Variants in SNX29 observed in about 807,000 individuals in gnomAD.
SNX29 encodes the protein sorting nexin-29.
In SNX29, 78 loss-of-function variants were observed where a neutral mutation model predicts 102.1. That is an observed-to-expected ratio of 0.76 (90% CI 0.64 to 0.92). The LOEUF (loss-of-function observed/expected upper bound fraction) is 0.92, where lower values mean the gene tolerates loss of function less well. Among genes scored for constraint, SNX29 ranks in the 40% least tolerant of loss-of-function variants. SNX29 has a pLI of 0.00. For missense variants in SNX29, 1,280 were observed against 1,061.7 expected (o/e 1.21, Z -2.86); for synonymous variants, 580 against 414.5 (o/e 1.40, Z -4.85).
chr16:12,505,240 C>T (rs1345669884), intron 19 of SNX29, among the ~76,000 whole-genome samples: 1 of 152,194 alleles, frequency 6.6e-6, no homozygotes, highest in African/African-American at 2.4e-5. Flanking sequence ...TCTGTTCAGG[C>T]TGCTGTGAGA....
intron 2 of SNX29, among the ~76,000 whole-genome samples, chr16:12,000,140 T>C (rs2056234201): frequency 6.6e-6 from 1 of 152,178 alleles, no homozygotes; most frequent in Non-Finnish European, 1.5e-5. Flanking sequence ...CTGTTTGTGA[T>C]GCTTGACTCC....
chr16:12,275,907 G>GA (rs376553792), intron 14 of SNX29, among the ~76,000 whole-genome samples: 15 of 142,642 alleles, frequency 1.1e-4, no homozygotes, highest in African/African-American at 3.8e-4. Flanking sequence ...TTTTTTGGGG[G>GA]GCGTGGTCAG....
At chr16:12,157,432 T>C (rs2055598953) in intron 13 of SNX29, among the ~76,000 whole-genome samples, 1 of 152,166 alleles carries the variant, frequency 6.6e-6, no homozygotes, top group African/African-American at 2.4e-5. Context: ...TGATGTCTCC[T>C]AAAGGAACTT....
chr16:12,438,032 C>T lies in SNX29; in HGVS notation c.2037+34503C>T, dbSNP rs117116850. On this transcript the variant is annotated intron_variant, in intron 18 of 20. Transcript: ENST00000566228. The stretch of plus-strand genomic sequence containing the variant: ...GGACTTGGACTTGGGAGCACACGTC[C>T]ACTCTTGGCCAGGGGCTGCTGGCTT... Among the ~76,000 whole-genome samples the T allele has an allele frequency of 3.4e-3, 512 of 152,234 alleles. 2 individuals carry two copies. The highest frequency in any genetic ancestry group is 4.9e-3 in the Non-Finnish European group (331 of 68,008).
At chr16:12,181,018 C>T (rs2076372080) in intron 13 of SNX29, among the ~76,000 whole-genome samples, 1 of 152,204 alleles carries the variant, frequency 6.6e-6, no homozygotes, top group Non-Finnish European at 1.5e-5. Flanking sequence ...TCCCTCACTG[C>T]AGGGCCCAGT....
At chr16:12,382,213 A>G (rs761345522) in intron 16 of SNX29, among the ~76,000 whole-genome samples, 2 of 152,036 alleles carry the variant, frequency 1.3e-5, no homozygotes, top group Non-Finnish European at 2.9e-5. Flanking sequence ...AATTTTCATT[A>G]CTCCACCAGC....
chr16:12,451,224 A>G lies in SNX29; in HGVS notation c.2038-26495A>G, dbSNP rs111965675. Reference sequence around the variant, plus strand: ...CCAACCACATTCCTCTAAAGTACACATTAGGTTCATAAACACAATTTCAGG... The same window carrying G: ...CCAACCACATTCCTCTAAAGTACACGTTAGGTTCATAAACACAATTTCAGG... On this transcript the variant is annotated intron_variant, in intron 18 of 20. Coordinates refer to ENST00000566228, the MANE Select transcript of SNX29 (RefSeq NM_032167.5). Among the ~76,000 whole-genome samples the G allele has an allele frequency of 2.1e-3, 327 of 152,316 alleles. 1 individual carries two copies. The highest frequency in any genetic ancestry group is 6.8e-3 in the Middle Eastern group (2 of 294).
intron 18 of SNX29, among the ~76,000 whole-genome samples, chr16:12,471,324 G>A (rs1567598033): frequency 6.6e-6 from 1 of 152,204 alleles, no homozygotes; most frequent in East Asian, 1.9e-4. Context: ...AGATGTTTTA[G>A]TACGTGTACA....
chr16:12,415,111 G>C (rs1173209422), intron 18 of SNX29, among the ~76,000 whole-genome samples: 1 of 152,252 alleles, frequency 6.6e-6, no homozygotes, highest in African/African-American at 2.4e-5. Flanking sequence ...ACCTCCCAGG[G>C]AGGCAAGGCT....
intron 15 of SNX29, among the ~76,000 whole-genome samples, chr16:12,342,204 C>T (rs1391884380): frequency 6.6e-6 from 1 of 152,150 alleles, no homozygotes; most frequent in Non-Finnish European, 1.5e-5. Flanking sequence ...ATGAGTCACC[C>T]AGAGAAAAAG....
intron 16 of SNX29, among the ~76,000 whole-genome samples, chr16:12,382,373 G>C (rs1033231612): frequency 6.6e-6 from 1 of 152,182 alleles, no homozygotes; most frequent in Non-Finnish European, 1.5e-5. Context: ...AACCTAGTGC[G>C]TGGACTCTGG....
chr16:12,313,170 T>A (rs568801067), intron 15 of SNX29, among the ~76,000 whole-genome samples: 1 of 152,046 alleles, frequency 6.6e-6, no homozygotes, highest in East Asian at 1.9e-4. Context: ...CCCACCACCA[T>A]GCCCGGCTAA....
chr16:12,011,887 T>C (rs549144431), intron 3 of SNX29, among the ~76,000 whole-genome samples: 1 of 152,306 alleles, frequency 6.6e-6, no homozygotes, highest in East Asian at 1.9e-4. Flanking sequence ...GCTAGGGTTA[T>C]AGTCAGGATT....
chr16:12,403,192 TTGTGTGTGTATGTGTGTGTGTGTG>T (rs1238882661), intron 17 of SNX29, among the ~76,000 whole-genome samples: 21 of 129,638 alleles, frequency 1.6e-4, no homozygotes, highest in African/African-American at 4.3e-4. Context: ...GGAGTACAGA[TTGTGTGTGTATGTGTGTGTGTGTG>T]TGTGTGTGTG....
chr16:12,106,019 C>A (rs1401925771), intron 11 of SNX29, among the ~76,000 whole-genome samples: 1 of 152,146 alleles, frequency 6.6e-6, no homozygotes, highest in East Asian at 1.9e-4. Context: ...GCCGTGGCTC[C>A]TCTGGAGGGA....
At chr16:12,269,646 C>T (rs1332306259) in intron 14 of SNX29, among the ~76,000 whole-genome samples, 2 of 152,142 alleles carry the variant, frequency 1.3e-5, no homozygotes, top group African/African-American at 4.8e-5. Flanking sequence ...TGAACACTGT[C>T]AAGGTAACTC....
chr16:12,343,364 C>T (rs1332081477), intron 15 of SNX29, among the ~76,000 whole-genome samples: 1 of 152,244 alleles, frequency 6.6e-6, no homozygotes, highest in East Asian at 1.9e-4. Flanking sequence ...GTCCAGCAAC[C>T]TATTCTCGGA....
Position 12,570,439 on chromosome 16 carries a change from C to G in SNX29, c.*1810C>G, listed in dbSNP as rs895710619. On this transcript the variant is annotated 3_prime_UTR_variant, in exon 21 of 21. Coordinates refer to ENST00000566228, the MANE Select transcript of SNX29 (RefSeq NM_032167.5). ...TGACTGGCAACTCTAAATAGAGAGC[C>G]CTAATGGACTGAGGCAGGAAACGTC... 1 of 243,798 alleles carries G rather than the reference C, an allele frequency of 4.1e-6. No individual in the cohort carries two copies. The highest frequency in any genetic ancestry group is 2.2e-5 in the African/African-American group (1 of 45,500). The allele number at this position is 243,798 out of a possible 1,614,324, so 15.1% of individuals were successfully genotyped here.
intron 15 of SNX29, among the ~76,000 whole-genome samples, chr16:12,316,362 G>C (rs1029305357): frequency 2.0e-5 from 3 of 152,140 alleles, no homozygotes; most frequent in Non-Finnish European, 2.9e-5. Context: ...GGCCAACATG[G>C]GGAAACCCCG....
Sources: allele counts gnomAD v4.1 joint callset (sites outside exome capture counted in the v4.1 genomes callset), GRCh38; gene constraint gnomAD v4.1.1; transcripts MANE v1.5; gene names NCBI Gene and HGNC (gene_info 2026-07-23, HGNC 2026-07-21).